Variants in ESR2 observed in about 807,000 individuals in gnomAD.
The protein encoded by ESR2 is estrogen receptor beta.
ESR2 carries 36 observed loss-of-function variants against 49.6 expected under a neutral mutation model. The observed-to-expected ratio is 0.73, with a 90% CI of 0.56 to 0.96. The LOEUF (loss-of-function observed/expected upper bound fraction) is 0.96. Among genes scored for constraint, ESR2 ranks in the 40% least tolerant of loss-of-function variants. The pLI, the probability that ESR2 is intolerant of heterozygous loss-of-function variation, is 0.00. For synonymous variants in ESR2, 320 were observed against 266.1 expected (o/e 1.20, Z -1.97); for missense variants, 714 against 693.0 (o/e 1.03, Z -0.34).
At chr14:64,325,772 C>T (rs1206994648) in intron 1 of ESR2, among the ~76,000 whole-genome samples, 1 of 152,082 alleles carries the variant, frequency 6.6e-6, no homozygotes, top group African/African-American at 2.4e-5. Context: ...GATCCACTTC[C>T]ACTTAATGAT....
intron 1 of ESR2, among the ~76,000 whole-genome samples, chr14:64,289,328 C>T (rs909819057): frequency 3.9e-5 from 6 of 152,034 alleles, no homozygotes; most frequent in African/African-American, 1.4e-4. Flanking sequence ...GCCTAACCAA[C>T]ATGGAGAAAC....
At chr14:64,261,127 A>T (rs965086971) in intron 4 of ESR2, among the ~76,000 whole-genome samples, 3 of 152,190 alleles carry the variant, frequency 2.0e-5, no homozygotes, top group Non-Finnish European at 4.4e-5. Flanking sequence ...ACTTACACAA[A>T]ACAAGTATAT....
At chr14:64,318,537 CAAAAAAAA>C (rs58597271) in intron 1 of ESR2, among the ~76,000 whole-genome samples, 710 of 32,422 alleles carry the variant, frequency 0.022, 6 homozygotes, top group African/African-American at 0.042. Flanking sequence ...AACTCCATCT[CAAAAAAAA>C]AAAAAAAAAA....
intron 7 of ESR2, among the ~76,000 whole-genome samples, chr14:64,237,852 T>C (rs2075638384): frequency 6.6e-6 from 1 of 152,094 alleles, no homozygotes; most frequent in South Asian, 2.1e-4. Flanking sequence ...AAAAGCAAAT[T>C]AGTGGTTGCC....
rs71123836 is a variant in ESR2 at position 64,246,734 on chromosome 14, CAAAAAAAAAAAAAA to C, written c.1225+2798_1225+2811del. On this transcript the variant is annotated intron_variant, in intron 7 of 8. Coordinates refer to ENST00000341099, the MANE Select transcript of ESR2 (RefSeq NM_001437.3). ...CCTGGCCAACACAGGAAGACTCTGT[CAAAAAAAAAAAAAA>C]AAAAAAAAAAAAAAAAAAACACACC... Among the ~76,000 whole-genome samples the C allele has an allele frequency of 6.6e-4, 24 of 36,452 alleles. 1 individual carries two copies. The South Asian group carries it at 0.012, about 18-fold the overall frequency. The allele number at this position is 36,452 out of a possible 152,430, so 23.9% of individuals were successfully genotyped here. A position where few individuals can be genotyped will look rare whatever the true frequency, so the allele number is the denominator to read the frequency against.
intron 1 of ESR2, among the ~76,000 whole-genome samples, chr14:64,327,687 C>G (rs532410607): frequency 1.3e-5 from 2 of 149,988 alleles, no homozygotes; most frequent in Non-Finnish European, 3.0e-5. Flanking sequence ...AGAGCAAGAC[C>G]CCACCTCAAA....
chr14:64,247,759 A>C (rs1443162047), intron 7 of ESR2, among the ~76,000 whole-genome samples: 5 of 152,232 alleles, frequency 3.3e-5, no homozygotes, highest in Admixed American at 2.0e-4. Context: ...TGAAATGACC[A>C]GTCTTGACAA....
intron 1 of ESR2, among the ~76,000 whole-genome samples, chr14:64,311,591 T>C (rs141435464): frequency 0.016 from 2,283 of 146,586 alleles, 62 homozygotes; most frequent in East Asian, 0.083. Flanking sequence ...TGCAGTGAGC[T>C]GAGATCACGC....
chr14:64,231,265 G>C lies in ESR2; in HGVS notation c.*1872C>G, dbSNP rs2098726982. On this transcript the variant is annotated 3_prime_UTR_variant, in exon 9 of 9. Coordinates refer to ENST00000341099, the MANE Select transcript of ESR2 (RefSeq NM_001437.3). ...ATAGAATTTCACTGGCAGATAATGA[G>C]TTGCTGAAGGCTGCCTTCTTTGCCT... is the stretch of plus-strand genomic sequence containing the variant. 1.3e-5 allele frequency: 2 copies of C among 152,156 alleles called. No individual in the cohort carries two copies. The highest frequency in any genetic ancestry group is 1.3e-4 in the Admixed American group (2 of 15,272). 9.4% of individuals were successfully genotyped at this position (152,156 alleles called of 1,614,324 possible). A position where few individuals can be genotyped will look rare whatever the true frequency, so the allele number is the denominator to read the frequency against.
intron 1 of ESR2, among the ~76,000 whole-genome samples, chr14:64,289,868 G>C (rs561684965): frequency 6.6e-6 from 1 of 152,134 alleles, no homozygotes; most frequent in Non-Finnish European, 1.5e-5. Context: ...TAGAGGATAA[G>C]TCCTCATCCC....
chr14:64,234,922 C>T (rs1406294551), intron 8 of ESR2, 48 bp downstream of exon 8: 3 of 1,598,156 alleles, frequency 1.9e-6, no homozygotes, highest in Non-Finnish European at 8.6e-7. Context: ...CCGTGGAGCA[C>T]ATAATCCCAT....
intron 3 of ESR2, 78 bp from the exon 4 acceptor site, chr14:64,268,989 T>C (rs904355352): frequency 3.5e-6 from 3 of 850,108 alleles, no homozygotes; most frequent in Admixed American, 1.9e-5. Context: ...ACAACACTGA[T>C]AACACTTTCC....
In ESR2 at chr14:64,264,890, G is replaced by GA. The variant is rs1239710240; in HGVS notation, c.652+3904dup. 5.6e-3 allele frequency among the ~76,000 whole-genome samples: 658 copies of GA among 117,196 alleles called. 4 individuals are homozygous for GA. The highest frequency in any genetic ancestry group is 9.0e-3 in the Non-Finnish European group (495 of 55,266). 76.9% of individuals were successfully genotyped at this position (117,196 alleles called of 152,430 possible). A position where few individuals can be genotyped will look rare whatever the true frequency, so the allele number is the denominator to read the frequency against. On this transcript the variant is annotated intron_variant, in intron 4 of 8. Coordinates refer to ENST00000341099, the MANE Select transcript of ESR2 (RefSeq NM_001437.3). ...ATACCCTGTCTCAAAAAAAAAAAAA[G>GA]AAAAAAAAAAAAGCACCTTTCTGAT...
intron 1 of ESR2, chr14:64,337,271 T>C (rs2077543113): frequency 6.6e-6 from 1 of 152,236 alleles, no homozygotes; most frequent in South Asian, 2.1e-4. Flanking sequence ...TGTAGGCAAC[T>C]TATCCTTCAA....
chr14:64,241,359 A>G (rs891537598), intron 7 of ESR2, among the ~76,000 whole-genome samples: 1 of 152,168 alleles, frequency 6.6e-6, no homozygotes, highest in South Asian at 2.1e-4. Flanking sequence ...GTTGACATCA[A>G]TACCACATTA....
intron 1 of ESR2, among the ~76,000 whole-genome samples, chr14:64,304,091 T>C (rs2077060763): frequency 6.6e-6 from 1 of 152,152 alleles, no homozygotes; most frequent in South Asian, 2.1e-4. Context: ...GATGGGAGGA[T>C]TGCTTGAGCC....
intron 8 of ESR2, chr14:64,234,658 G>T: frequency 2.0e-6 from 1 of 488,986 alleles, no homozygotes; most frequent in Non-Finnish European, 3.5e-6. Context: ...TGTAAACAGG[G>T]GTGGCAGTTC....
chr14:64,283,910 AGTTTT>A (rs2076737630), intron 1 of ESR2, among the ~76,000 whole-genome samples: 3 of 151,742 alleles, frequency 2.0e-5, no homozygotes, highest in South Asian at 4.2e-4. Flanking sequence ...GTTGCTTCTC[AGTTTT>A]GTTTTGTTTT....
chr14:64,319,848 C>T (rs965451040), intron 1 of ESR2, among the ~76,000 whole-genome samples: 1 of 152,156 alleles, frequency 6.6e-6, no homozygotes, highest in Non-Finnish European at 1.5e-5. Flanking sequence ...CAAAATGGAA[C>T]AGCCATTTTG....
Sources: allele counts gnomAD v4.1 joint callset (sites outside exome capture counted in the v4.1 genomes callset), GRCh38; gene constraint gnomAD v4.1.1; transcripts MANE v1.5; gene names NCBI Gene and HGNC (gene_info 2026-07-23, HGNC 2026-07-21).